AKAP13: variants seen among roughly 807,000 people sequenced by gnomAD.
The protein encoded by AKAP13 is A-kinase anchoring protein 13.
AKAP13 carries 80 observed loss-of-function variants against 264.5 expected under a neutral mutation model. The observed-to-expected ratio is 0.30, with a 90% confidence interval of 0.25 to 0.36. The LOEUF is 0.36. AKAP13 is among the 10% of genes least tolerant of loss of function. AKAP13 has a pLI of 1.00. For missense variants in AKAP13, 3,712 were observed against 3,435.2 expected (o/e 1.08, Z -2.01); for synonymous variants, 1,380 against 1,250.2 (o/e 1.10, Z -2.19).
intron 4 of AKAP13, chr15:85,536,918 A>T (rs1311762357): frequency 6.6e-6 from 1 of 152,168 alleles, no homozygotes; most frequent in African/African-American, 2.4e-5. Flanking sequence ...GAATCTATGC[A>T]TGTGTTAAAA....
At chr15:85,399,523 T>TAAAA (rs1367253621) in intron 1 of AKAP13, among the ~76,000 whole-genome samples, 6 of 78,020 alleles carry the variant, frequency 7.7e-5, no homozygotes, top group Non-Finnish European at 1.3e-4. Flanking sequence ...AAAAAAAAAA[T>TAAAA]AAAAAAATAA....
Position 85,747,920 on chromosome 15 carries a change from G to C in AKAP13, c.*3243G>C, listed in dbSNP as rs548987246. 3 of 153,150 alleles carry C rather than the reference G, an allele frequency of 2.0e-5. No homozygotes were observed. Among genetic ancestry groups the C allele is most frequent in the Non-Finnish European group, 2.9e-5 (2 of 68,058 alleles). The allele number at this position is 153,150 out of a possible 1,614,324, so 9.5% of individuals were successfully genotyped here. A position where few individuals can be genotyped will look rare whatever the true frequency, so the allele number is the denominator to read the frequency against. On this transcript the variant is annotated 3_prime_UTR_variant, in exon 37 of 37. Coordinates refer to ENST00000394518, the MANE Select transcript of AKAP13 (RefSeq NM_007200.5). Reference sequence around the variant, plus strand: ...TTACCTTCCTGAGGCCTCAGTATTAGTCGTGAGCACAAAGTTTTGAGACCT... The same window carrying C: ...TTACCTTCCTGAGGCCTCAGTATTACTCGTGAGCACAAAGTTTTGAGACCT...
chr15:85,439,138 C>T (rs1335327768), intron 1 of AKAP13, among the ~76,000 whole-genome samples: 1 of 152,146 alleles, frequency 6.6e-6, no homozygotes, highest in African/African-American at 2.4e-5. Flanking sequence ...AAATAAACAG[C>T]TCCATCAAAA....
intron 5 of AKAP13, among the ~76,000 whole-genome samples, chr15:85,567,887 T>C (rs1228968093): frequency 6.6e-6 from 1 of 151,970 alleles, no homozygotes; most frequent in East Asian, 1.9e-4. Flanking sequence ...GGAGCTTCTG[T>C]TCTAGTTAGA....
intron 1 of AKAP13, among the ~76,000 whole-genome samples, chr15:85,403,474 A>G (rs981608023): frequency 6.6e-6 from 1 of 152,130 alleles, no homozygotes; most frequent in South Asian, 2.1e-4. Context: ...TTCCCAGCCT[A>G]TTTCAAGATG....
intron 1 of AKAP13, chr15:85,480,833 G>A (rs1249838473): frequency 6.6e-6 from 1 of 152,096 alleles, no homozygotes; most frequent in Non-Finnish European, 1.5e-5. Flanking sequence ...GATTACAGGT[G>A]CCCGCCACCA....
rs191067523 is a variant in AKAP13 at position 85,714,365 on chromosome 15, A to C, written c.5600-1423A>C. Among the ~76,000 whole-genome samples, 5 of 152,368 alleles carry C rather than the reference A, an allele frequency of 3.3e-5. No homozygotes were observed. The East Asian group carries it at 7.7e-4, about 23-fold the overall frequency. On this transcript the variant is annotated intron_variant, in intron 19 of 36. Coordinates refer to ENST00000394518, the MANE Select transcript of AKAP13 (RefSeq NM_007200.5). ...GGGTGGCAGAGGCAGAAGAAATTCC[A>C]CATATAAGGGGATCTATGTAGTTCA...
intron 1 of AKAP13, among the ~76,000 whole-genome samples, chr15:85,399,542 AT>A (rs1567038762): frequency 5.2e-4 from 60 of 114,488 alleles, no homozygotes; most frequent in African/African-American, 1.4e-3. Flanking sequence ...AAAAAAATAA[AT>A]AAATAAATAA....
intron 10 of AKAP13, among the ~76,000 whole-genome samples, chr15:85,653,018 A>G (rs964080274): frequency 2.0e-5 from 3 of 152,044 alleles, no homozygotes; most frequent in Non-Finnish European, 4.4e-5. Context: ...ACATTATTCA[A>G]CCCAGTACAG....
chr15:85,397,225 A>AT (rs1322701168), intron 1 of AKAP13, among the ~76,000 whole-genome samples: 1 of 152,146 alleles, frequency 6.6e-6, no homozygotes, highest in Non-Finnish European at 1.5e-5. Context: ...AAAACAACTG[A>AT]TACATTGTTT....
chr15:85,616,612 G>A (rs971621365), intron 8 of AKAP13, among the ~76,000 whole-genome samples: 5 of 152,262 alleles, frequency 3.3e-5, no homozygotes, highest in African/African-American at 1.2e-4. Flanking sequence ...TTTTACTACA[G>A]GTTCCCCAAA....
At chr15:85,476,319 A>G (rs2075161969) in intron 1 of AKAP13, among the ~76,000 whole-genome samples, 1 of 152,104 alleles carries the variant, frequency 6.6e-6, no homozygotes, top group Non-Finnish European at 1.5e-5. Context: ...CCAATGATAA[A>G]TGGTATGTTT....
intron 9 of AKAP13, among the ~76,000 whole-genome samples, chr15:85,643,247 A>G (rs1006273318): frequency 4.2e-5 from 6 of 144,130 alleles, no homozygotes; most frequent in African/African-American, 1.5e-4. Flanking sequence ...TAATATGTTC[A>G]TTTCTGCTAC....
Position 85,722,583 on chromosome 15 carries a change from G to C in AKAP13, c.6496+236G>C, listed in dbSNP as rs553587450. On this transcript the variant is annotated intron_variant, in intron 25 of 36. Transcript: ENST00000394518. ...GATTCCATCCAGAGTTCAATGACCT[G>C]AACAGTATTCTGTTATCACTAGGCT... Among the ~76,000 whole-genome samples the C allele has an allele frequency of 2.6e-5, 4 of 152,300 alleles. No individual in the cohort carries two copies. In the South Asian group the frequency reaches 8.3e-4, roughly 32 times the overall value.
intron 1 of AKAP13, among the ~76,000 whole-genome samples, chr15:85,461,342 C>T (rs1308644886): frequency 6.6e-6 from 1 of 152,164 alleles, no homozygotes; most frequent in African/African-American, 2.4e-5. Flanking sequence ...TCTCAAACTC[C>T]TGACTTCAGG....
At chr15:85,744,503 A>G in intron 36 of AKAP13, 125 bp from the exon 37 acceptor site, 1 of 991,872 alleles carries the variant, frequency 1.0e-6, no homozygotes, top group Admixed American at 1.8e-5. Flanking sequence ...GGTGCGCAGA[A>G]GAGTTAATTG....
At chr15:85,396,148 T>A (rs1376875905) in intron 1 of AKAP13, among the ~76,000 whole-genome samples, 1 of 152,136 alleles carries the variant, frequency 6.6e-6, no homozygotes, top group East Asian at 1.9e-4. Context: ...AGCATCAGTT[T>A]TAGTTTGATT....
At chr15:85,692,247 A>G (rs571431877) in intron 16 of AKAP13, among the ~76,000 whole-genome samples, 7 of 152,198 alleles carry the variant, frequency 4.6e-5, no homozygotes, top group Admixed American at 4.6e-4. Context: ...AGCTAATGAA[A>G]CTCATTTCCA....
chr15:85,413,460 G>T (rs2072082824), intron 1 of AKAP13, among the ~76,000 whole-genome samples: 1 of 152,198 alleles, frequency 6.6e-6, no homozygotes, highest in South Asian at 2.1e-4. Context: ...GTCTGAAAAT[G>T]TTATTTTCAG....
Sources: gnomAD v4.1 joint callset for allele counts (sites outside exome capture counted in the v4.1 genomes callset) on GRCh38, gnomAD v4.1.1 for gene constraint, MANE v1.5 for transcripts, NCBI Gene and HGNC (gene_info 2026-07-23, HGNC 2026-07-21) for gene names.